IGF2R: variants seen among roughly 807,000 people sequenced by gnomAD.
IGF2R encodes the protein cation-independent mannose-6-phosphate receptor.
Under a neutral mutation model 270.6 loss-of-function variants are expected in IGF2R, and 91 were observed. The ratio of observed to expected loss-of-function variants is 0.34; its 90% CI spans 0.28 to 0.40. The LOEUF is 0.40. IGF2R is among the 10% of genes least tolerant of loss of function. The probability of loss-of-function intolerance (pLI) is 1.00; values close to 1 mark genes in which losing one functional copy is unlikely to be tolerated. For missense variants in IGF2R, 2,805 were observed against 3,188.3 expected (o/e 0.88, Z 2.90); for synonymous variants, 1,316 against 1,258.9 (o/e 1.05, Z -0.96).
intron 19 of IGF2R, among the ~76,000 whole-genome samples, chr6:160,056,076 A>G (rs1373367711): frequency 2.0e-5 from 3 of 152,046 alleles, no homozygotes; most frequent in Non-Finnish European, 2.9e-5. Context: ...AGTGAATCCT[A>G]CGTACCGTTG....
At position 160,090,050 on chromosome 6, in the gene IGF2R, A is replaced by G. The variant is rs1779184932; in HGVS notation, c.6602A>G (p.Gln2201Arg). The G allele has an allele frequency of 6.3e-7, 1 of 1,595,210 alleles. No individual in the cohort carries two copies. The highest frequency in any genetic ancestry group is 1.1e-5 in the South Asian group (1 of 87,948). ...ATATGCCAGGTGAAGCCCAACGATC[A>G]GCACTTCAGTCGGAAAGTTGGAACC... Reference protein sequence around the residue: ...ANICQVKPNDQHFSRKVGTSD... With the variant: ...ANICQVKPNDRHFSRKVGTSD... Residue 2201 changes from glutamine to arginine, a missense_variant, in exon 44 of 48, where the codon CAG becomes CGG. Gln to Arg is a conservative substitution (Grantham distance 43, BLOSUM62 1). This residue lies in a region of IGF2R where 1,851 missense variants were observed against 2,207.2 expected (regional missense o/e 0.84). Coordinates refer to ENST00000356956, the MANE Select transcript of IGF2R (RefSeq NM_000876.4).
At chr6:160,054,690 G>C (rs1778272855) in intron 19 of IGF2R, among the ~76,000 whole-genome samples, 1 of 152,098 alleles carries the variant, frequency 6.6e-6, no homozygotes, top group Non-Finnish European at 1.5e-5. Flanking sequence ...CTAAGAGTGG[G>C]GTGTGTTCAG....
At chr6:160,010,482 C>T in intron 3 of IGF2R, 1 of 479,210 alleles carries the variant, frequency 2.1e-6, no homozygotes, top group Non-Finnish European at 3.7e-6. Flanking sequence ...CACAAAATCC[C>T]AACATGATTT....
chr6:160,096,284 C>T (rs547096072), intron 44 of IGF2R, 155 bp from the exon 45 acceptor site: 21 of 634,472 alleles, frequency 3.3e-5, no homozygotes, highest in East Asian at 1.1e-4. Context: ...CGAGTGGCCT[C>T]GTAAGCTGTG....
chr6:160,047,707 T>C, intron 16 of IGF2R, 85 bp from the exon 17 acceptor site: 1 of 859,108 alleles, frequency 1.2e-6, no homozygotes, highest in Non-Finnish European at 2.0e-6. Flanking sequence ...ATTGGGAACA[T>C]TGCTCTCGTC....
Position 160,045,726 on chromosome 6 carries a change from C to G in IGF2R, c.1766-19C>G. Reference sequence around the variant, plus strand: ...GAATGAACGGATTAGTGATCCCCATCTCTTTTCCCCATTGACAGGTGATCT... The same window carrying G: ...GAATGAACGGATTAGTGATCCCCATGTCTTTTCCCCATTGACAGGTGATCT... On this transcript the variant is annotated intron_variant, in intron 13 of 47. Transcript: ENST00000356956. 9 of 1,613,952 alleles carry G rather than the reference C, an allele frequency of 5.6e-6. No homozygotes were observed. Among genetic ancestry groups the G allele is most frequent in the Non-Finnish European group, 7.6e-6 (9 of 1,179,820 alleles).
At chr6:160,031,820 T>C (rs926493027) in intron 7 of IGF2R, among the ~76,000 whole-genome samples, 2 of 152,236 alleles carry the variant, frequency 1.3e-5, no homozygotes, top group Admixed American at 1.3e-4. Flanking sequence ...AGCACGGCTA[T>C]GCCCGGTGCT....
intron 4 of IGF2R, among the ~76,000 whole-genome samples, chr6:160,018,819 G>A (rs1488975510): frequency 6.6e-6 from 1 of 152,090 alleles, no homozygotes; most frequent in African/African-American, 2.4e-5. Context: ...AGCAAAAGCA[G>A]GGCTAAGTGG....
At chr6:160,030,644 G>A (rs557240104) in intron 7 of IGF2R, among the ~76,000 whole-genome samples, 21 of 124,236 alleles carry the variant, frequency 1.7e-4, no homozygotes, top group South Asian at 2.9e-4. Context: ...GTTCTCAGGC[G>A]GTAGTGGTTT....
At chr6:160,090,173 AACTC>A (rs753577363) in intron 44 of IGF2R, 70 bp downstream of exon 44, 4 of 1,107,390 alleles carry the variant, frequency 3.6e-6, no homozygotes, top group Non-Finnish European at 5.0e-6. Flanking sequence ...ATTTTCAACT[AACTC>A]CCTTCAGTTG....
intron 7 of IGF2R, 52 bp downstream of exon 7, chr6:160,029,707 C>A: frequency 7.5e-7 from 1 of 1,335,666 alleles, no homozygotes; most frequent in Non-Finnish European, 1.1e-6. Flanking sequence ...GCCTGGGTTG[C>A]CCATGCGAAC....
intron 29 of IGF2R, among the ~76,000 whole-genome samples, chr6:160,065,814 G>GTGTGTGTGTATATATA: frequency 6.0e-4 from 47 of 78,352 alleles, no homozygotes; most frequent in African/African-American, 1.7e-3. Flanking sequence ...GTGTGTGTGT[G>GTGTGTGTGTATATATA]TATATATATA....
At chr6:160,035,342 T>G (rs1777794545) in intron 10 of IGF2R, among the ~76,000 whole-genome samples, 1 of 152,204 alleles carries the variant, frequency 6.6e-6, no homozygotes, top group African/African-American at 2.4e-5. Flanking sequence ...GGTTACAGGA[T>G]GGGTTGCTAC....
chr6:160,100,836 G>C, intron 45 of IGF2R, among the ~76,000 whole-genome samples: 1 of 95,340 alleles, frequency 1.0e-5, no homozygotes. Flanking sequence ...TTTTGCCCAG[G>C]CTGGAGTGCA....
chr6:160,085,042 G>T lies in IGF2R; in HGVS notation c.6116G>T (p.Cys2039Phe). Reference protein sequence around the residue: ...CQKIYKGPLGCSERASICRRT... With the variant: ...CQKIYKGPLGFSERASICRRT... ...AAAATATATAAAGGGCCCCTGGGCTGCTCTGAAAGGGCCAGCATTTGCAGA... is the reference window on the plus strand; with the variant it reads ...AAAATATATAAAGGGCCCCTGGGCTTCTCTGAAAGGGCCAGCATTTGCAGA... The change falls in exon 41 of 48, where the codon TGC becomes TTC. Residue 2039 changes from cysteine (C) to phenylalanine (F), a missense_variant. Around this residue, in one of 2 missense-constraint regions of IGF2R, gnomAD observed 1,851 missense variants for 2,207.2 expected, o/e 0.84. Transcript: ENST00000356956. The T allele has an allele frequency of 2.5e-6, 4 of 1,614,068 alleles. No homozygotes were observed. The highest frequency in any genetic ancestry group is 2.5e-6 in the Non-Finnish European group (3 of 1,179,948).
At chr6:160,033,827 C>G (rs1355873222) in intron 9 of IGF2R, among the ~76,000 whole-genome samples, 1 of 152,188 alleles carries the variant, frequency 6.6e-6, no homozygotes, top group African/African-American at 2.4e-5. Context: ...GCATTCAGCA[C>G]ATTTCTTTTG....
rs750160785 is a variant in IGF2R, at chr6:160,024,665, C to T, written c.607C>T (p.Pro203Ser). ...TGCCTACTTGGTGGATGACTCCGAT[C>T]CGGACACTTCTCTATTCATCAATGT... ...SGAYLVDDSDPDTSLFINVCR... is the reference protein window; with the variant it reads ...SGAYLVDDSDSDTSLFINVCR... The change falls in exon 5 of 48, where the codon CCG becomes TCG. Residue 203 changes from proline to serine, a missense_variant. By Grantham distance (74) the Pro-to-Ser change is moderately conservative. This residue lies in a region of IGF2R where 954 missense variants were observed against 981.1 expected (regional missense o/e 0.97). Coordinates refer to ENST00000356956, the MANE Select transcript of IGF2R (RefSeq NM_000876.4). 1 of 1,614,124 alleles carries T rather than the reference C, an allele frequency of 6.2e-7. No individual in the cohort carries two copies. Among genetic ancestry groups the T allele is most frequent in the Non-Finnish European group, 8.5e-7 (1 of 1,180,010 alleles).
At chr6:159,997,231 G>A (rs944184700) in intron 2 of IGF2R, among the ~76,000 whole-genome samples, 1 of 152,146 alleles carries the variant, frequency 6.6e-6, no homozygotes, top group African/African-American at 2.4e-5. Context: ...TCTTCCCTTA[G>A]GAGCAGCACT....
intron 2 of IGF2R, among the ~76,000 whole-genome samples, chr6:160,001,261 C>T (rs766867661): frequency 6.6e-6 from 1 of 151,930 alleles, no homozygotes; most frequent in Non-Finnish European, 1.5e-5. Flanking sequence ...TATAGGAGCG[C>T]GAACCCTATT....
Sources: gnomAD v4.1 joint callset for allele counts (sites outside exome capture counted in the v4.1 genomes callset) on GRCh38, gnomAD v4.1.1 for gene constraint, gnomAD v4.1.1 regional missense constraint, MANE v1.5 for transcripts, NCBI Gene and HGNC (gene_info 2026-07-23, HGNC 2026-07-21) for gene names.